The following TIAM2 variants were observed in gnomAD, a reference collection of about 807,000 sequenced individuals.
The protein encoded by TIAM2 is rho guanine nucleotide exchange factor TIAM2.
A neutral mutation model predicts 152.9 loss-of-function variants in TIAM2; 80 were observed. That is an observed-to-expected ratio of 0.52 (90% CI 0.44 to 0.63). TIAM2 has a LOEUF of 0.63. Ranked by LOEUF, TIAM2 falls within the 30% of genes least tolerant of loss-of-function variation. TIAM2 has a pLI of 0.00. For synonymous variants in TIAM2, 804 were observed against 838.0 expected (o/e 0.96, Z 0.70); for missense variants, 1,965 against 2,120.1 (o/e 0.93, Z 1.44).
intron 1 of TIAM2, among the ~76,000 whole-genome samples, chr6:155,050,204 G>A (rs890606655): frequency 2.0e-5 from 3 of 152,130 alleles, no homozygotes; most frequent in African/African-American, 7.2e-5. Context: ...ACTAATTTTT[G>A]TATTTTTAAT....
chr6:155,080,032 C>G lies in TIAM2; in HGVS notation c.-208-10257C>G, dbSNP rs79887251. Among the ~76,000 whole-genome samples the G allele has an allele frequency of 2.2e-3, 336 of 152,286 alleles. 1 individual carries two copies. The highest frequency in any genetic ancestry group is 7.6e-3 in the African/African-American group (315 of 41,578). On this transcript the variant is annotated intron_variant, in intron 1 of 26. Coordinates refer to ENST00000682666, the MANE Select transcript of TIAM2 (RefSeq NM_012454.4). Reference sequence around the variant, plus strand: ...TCGTTCTGATGATGGTAAAATGAAACAGGAACAGCTCTCTGACCCCTGGAA... The same window carrying G: ...TCGTTCTGATGATGGTAAAATGAAAGAGGAACAGCTCTCTGACCCCTGGAA...
chr6:155,117,107 T>C (rs1199349085), intron 2 of TIAM2, among the ~76,000 whole-genome samples: 5 of 133,700 alleles, frequency 3.7e-5, no homozygotes, highest in Non-Finnish European at 8.3e-5. Context: ...TAAAATGCCT[T>C]TGAATAATTT....
At chr6:155,116,087 A>G (rs1334124047) in intron 2 of TIAM2, among the ~76,000 whole-genome samples, 1 of 152,220 alleles carries the variant, frequency 6.6e-6, no homozygotes, top group African/African-American at 2.4e-5. Context: ...TGGGTGACAG[A>G]GAGAGACTGC....
At chr6:155,247,480 C>G (rs1272020154) in intron 19 of TIAM2, among the ~76,000 whole-genome samples, 14 of 152,108 alleles carry the variant, frequency 9.2e-5, no homozygotes. Flanking sequence ...AGGCGCCCAC[C>G]ACCACGCCCG....
At chr6:155,042,797 A>G (rs1013089113) in intron 1 of TIAM2, among the ~76,000 whole-genome samples, 2 of 150,984 alleles carry the variant, frequency 1.3e-5, no homozygotes, top group Admixed American at 1.3e-4. Context: ...TACTCTCAGC[A>G]TTTTTCAAGT....
At chr6:155,035,278 G>A (rs541754689) in intron 1 of TIAM2, among the ~76,000 whole-genome samples, 83 of 151,058 alleles carry the variant, frequency 5.5e-4, no homozygotes, top group Non-Finnish European at 1.0e-3. Context: ...GCTGGAGTGC[G>A]GTGGCGTGAT....
intron 1 of TIAM2, among the ~76,000 whole-genome samples, chr6:155,025,614 C>T (rs187850036): frequency 1.3e-4 from 20 of 151,982 alleles, no homozygotes; most frequent in Admixed American, 6.6e-5. Context: ...GCACTGCACC[C>T]GGGCAAAGAG....
At chr6:155,076,725 A>T (rs9383741) in intron 1 of TIAM2, among the ~76,000 whole-genome samples, 55,139 of 151,908 alleles carry the variant, frequency 0.36, 10,222 homozygotes, top group African/African-American at 0.42. Context: ...TCTTGCTCTG[A>T]TGCCTAGGCT....
intron 10 of TIAM2, among the ~76,000 whole-genome samples, chr6:155,177,982 A>G (rs2115132621): frequency 1.3e-5 from 2 of 152,170 alleles, no homozygotes; most frequent in Non-Finnish European, 2.9e-5. Flanking sequence ...TAACACGGTG[A>G]AACCCCGTCT....
At chr6:155,159,985 G>A (rs1343790439) in intron 7 of TIAM2, among the ~76,000 whole-genome samples, 6 of 152,176 alleles carry the variant, frequency 3.9e-5, no homozygotes, top group South Asian at 2.1e-4. Flanking sequence ...AGTAGGATGT[G>A]TGTATACCTG....
In TIAM2 at chr6:155,174,942, G is replaced by T. The variant is rs568242755; in HGVS notation, c.2362-1874G>T. Among the ~76,000 whole-genome samples the T allele has an allele frequency of 9.2e-5, 14 of 152,270 alleles. No individual in the cohort carries two copies. In the East Asian group the frequency reaches 2.1e-3, roughly 23 times the overall value. The stretch of plus-strand genomic sequence containing the variant: ...CTTCTCAACAAGCCTGGTTTCAGAG[G>T]TGGGGCCTGCACCTTTAAGGCAGCA... On this transcript the variant is annotated intron_variant, in intron 9 of 26. Transcript: ENST00000682666. The surrounding 1 kb of genome is among the most constrained non-coding windows in gnomAD (Gnocchi z 4.2).
intron 2 of TIAM2, 89 bp downstream of exon 2, chr6:155,090,468 C>G (rs1249637195): frequency 6.6e-6 from 1 of 152,196 alleles, no homozygotes; most frequent in African/African-American, 2.4e-5. Context: ...TCTCACGTAG[C>G]TCTGTTAATT....
intron 1 of TIAM2, among the ~76,000 whole-genome samples, chr6:155,078,293 G>A (rs1777997413): frequency 1.3e-5 from 2 of 152,030 alleles, no homozygotes; most frequent in South Asian, 2.1e-4. Flanking sequence ...TGATCTGTCC[G>A]CCTAGGCCTC....
chr6:155,253,829 C>T (rs113081754), intron 24 of TIAM2, 144 bp from the exon 25 acceptor site: 1 of 608,774 alleles, frequency 1.6e-6, no homozygotes. Flanking sequence ...GAAAATCATA[C>T]ATAGAACAAG....
intron 19 of TIAM2, among the ~76,000 whole-genome samples, chr6:155,246,594 C>T (rs1158520362): frequency 6.6e-6 from 1 of 152,162 alleles, no homozygotes; most frequent in Non-Finnish European, 1.5e-5. Context: ...TCTAGGCCTC[C>T]CAAAGTGCTG....
chr6:155,029,613 G>A (rs1210136976), intron 1 of TIAM2, among the ~76,000 whole-genome samples: 18 of 67,756 alleles, frequency 2.7e-4, no homozygotes, highest in Admixed American at 6.9e-4. Context: ...ATATAACTCT[G>A]TATATATGTA....
chr6:155,131,612 C>T (rs954941351), intron 4 of TIAM2, among the ~76,000 whole-genome samples: 2 of 150,358 alleles, frequency 1.3e-5, no homozygotes, highest in Non-Finnish European at 2.9e-5. Flanking sequence ...CAGAGTATCG[C>T]TCCGTTGTAC....
intron 10 of TIAM2, 98 bp downstream of exon 10, chr6:155,177,075 G>T: frequency 8.1e-7 from 1 of 1,230,956 alleles, no homozygotes; most frequent in African/African-American, 1.5e-5. Flanking sequence ...CAAGGGCCCA[G>T]TTTCCATGCC....
At chr6:155,119,341 CTTCTT>C (rs1779097227) in intron 2 of TIAM2, among the ~76,000 whole-genome samples, 1 of 149,598 alleles carries the variant, frequency 6.7e-6, no homozygotes, top group Admixed American at 6.7e-5. Context: ...GGCCCTGACT[CTTCTT>C]TTCTTTTTTT....
Sources: allele counts gnomAD v4.1 joint callset (sites outside exome capture counted in the v4.1 genomes callset), GRCh38; gene constraint gnomAD v4.1.1; non-coding constraint Gnocchi (gnomAD v3.1); transcripts MANE v1.5; gene names NCBI Gene and HGNC (gene_info 2026-07-23, HGNC 2026-07-21).